The following COX7B variants were observed in gnomAD, a reference collection of about 807,000 sequenced individuals.
COX7B encodes cytochrome c oxidase subunit 7B, also known as cytochrome c oxidase subunit 7B, mitochondrial.
Under a neutral mutation model 7.9 loss-of-function variants are expected in COX7B, and 2 were observed. The ratio of observed to expected loss-of-function variants is 0.25; its 90% CI spans 0.10 to 0.79. COX7B has a LOEUF of 0.79. Among genes scored for constraint, COX7B ranks in the 30% least tolerant of loss-of-function variants. The probability of loss-of-function intolerance (pLI) is 0.69; values close to 1 mark genes in which losing one functional copy is unlikely to be tolerated. For synonymous variants in COX7B, 19 were observed against 21.1 expected (o/e 0.90, Z 0.27); for missense variants, 54 against 62.7 (o/e 0.86, Z 0.47).
intron 1 of COX7B, chrX:77,901,642 T>C (rs1205714227): frequency 8.9e-6 from 1 of 111,764 alleles, no homozygotes; most frequent in Non-Finnish European, 1.9e-5. Flanking sequence ...ACGATACTGA[T>C]TTTTATCTAC....
rs782016968 is a variant in COX7B at position 77,905,657 on chromosome X, ATT to A, written c.*409_*410del. On this transcript the variant is annotated 3_prime_UTR_variant, in exon 3 of 3. Coordinates refer to ENST00000650309, the MANE Select transcript of COX7B (RefSeq NM_001866.3). ...AGGCACATGCCATGACGCCCAGCTA[ATT>A]TTTTTTTTTTTTGAGACGGAGTCTC... is the stretch of plus-strand genomic sequence containing the variant. 1.8e-4 allele frequency: 18 copies of A among 101,764 alleles called. No homozygotes were observed. Among genetic ancestry groups the A allele is most frequent in the East Asian group, 3.1e-4 (1 of 3,261 alleles). The allele number at this position is 101,764 out of a possible 1,213,427, so 8.4% of individuals were successfully genotyped here. A position where few individuals can be genotyped will look rare whatever the true frequency, so the allele number is the denominator to read the frequency against.
intron 1 of COX7B, among the ~76,000 whole-genome samples, chrX:77,900,676 T>C (rs2077118225): frequency 8.9e-6 from 1 of 112,898 alleles, no homozygotes; most frequent in South Asian, 3.6e-4. Context: ...TAAGCAACTT[T>C]GAAAATAACC....
chrX:77,899,493 C>G lies in COX7B; in HGVS notation c.-61C>G. On this transcript the variant is annotated 5_prime_UTR_variant, in exon 1 of 3. Transcript: ENST00000650309. Reference sequence around the variant, plus strand: ...GTTTTTCAGCTCACTTCAAGGGTACCTGAAGCGAATTGGCACCAAAGCAGC... The same window carrying G: ...GTTTTTCAGCTCACTTCAAGGGTACGTGAAGCGAATTGGCACCAAAGCAGC... 1 of 1,171,158 alleles carries G rather than the reference C, an allele frequency of 8.5e-7. No individual in the cohort carries two copies. The highest frequency in any genetic ancestry group is 1.2e-6 in the Non-Finnish European group (1 of 859,552).
rs1481883844 is a variant in COX7B, at chrX:77,907,114, G to C, written c.*1853G>C. ...TTACATAGAGTGCTAGAAGTATGCT[G>C]TCATGGCATATGTCCTAGTTTCTCA... On this transcript the variant is annotated 3_prime_UTR_variant, in exon 3 of 3. Transcript: ENST00000650309. The C allele has an allele frequency of 9.0e-6, 1 of 111,269 alleles. No homozygotes were observed. The allele number at this position is 111,269 out of a possible 1,213,427, so 9.2% of individuals were successfully genotyped here.
rs1260086659 is a variant in COX7B at position 77,907,355 on chromosome X, G to T, written c.*2094G>T. 7 of 112,107 alleles carry T rather than the reference G, an allele frequency of 6.2e-5. No homozygotes were observed. Among genetic ancestry groups the T allele is most frequent in the Non-Finnish European group, 1.3e-4 (7 of 53,282 alleles). The allele number at this position is 112,107 out of a possible 1,213,427, so 9.2% of individuals were successfully genotyped here. A position where few individuals can be genotyped will look rare whatever the true frequency, so the allele number is the denominator to read the frequency against. On this transcript the variant is annotated 3_prime_UTR_variant, in exon 3 of 3. Coordinates refer to ENST00000650309, the MANE Select transcript of COX7B (RefSeq NM_001866.3). ...GTAAAATAAACATGTATTTAAGGAA[G>T]TGTCAACCTTCAATTATATACCTTT...
chrX:77,901,605 A>C (rs2077120216), intron 1 of COX7B: 2 of 111,838 alleles, frequency 1.8e-5, no homozygotes, highest in Non-Finnish European at 3.8e-5. Context: ...TCAAAAACTA[A>C]GTCCTTAGCT....
Position 77,905,318 on chromosome X carries a change from A to G in COX7B, c.*57A>G. 1 of 914,847 alleles carries G rather than the reference A, an allele frequency of 1.1e-6. No homozygotes were observed. The allele number at this position is 914,847 out of a possible 1,213,427, so 75.4% of individuals were successfully genotyped here. A position where few individuals can be genotyped will look rare whatever the true frequency, so the allele number is the denominator to read the frequency against. On this transcript the variant is annotated 3_prime_UTR_variant, in exon 3 of 3. Coordinates refer to ENST00000650309, the MANE Select transcript of COX7B (RefSeq NM_001866.3). ...AAAAAACAGCTCATAATTGATGCCA[A>G]ATTAAAGCACTGTGTACCCATTAAG...
rs943160254 is a variant in COX7B at position 77,905,842 on chromosome X, G to A, written c.*581G>A. 2.7e-5 allele frequency: 3 copies of A among 110,947 alleles called. No individual in the cohort carries two copies. Among genetic ancestry groups the A allele is most frequent in the African/African-American group, 9.8e-5 (3 of 30,457 alleles). 9.1% of individuals were successfully genotyped at this position (110,947 alleles called of 1,213,427 possible). A position where few individuals can be genotyped will look rare whatever the true frequency, so the allele number is the denominator to read the frequency against. ...TAATTTTTGTATTTTTAGTAGAGAC[G>A]GGGTTTCACCATGTTGGTCAGGCTG... On this transcript the variant is annotated 3_prime_UTR_variant, in exon 3 of 3. Transcript: ENST00000650309.
chrX:77,900,320 C>T (rs2077117189), intron 1 of COX7B, among the ~76,000 whole-genome samples: 1 of 112,076 alleles, frequency 8.9e-6, no homozygotes, highest in African/African-American at 3.2e-5. Flanking sequence ...TGAGCCAAGA[C>T]TGCTACTGCA....
At chrX:77,899,800 G>C (rs996471013) in intron 1 of COX7B, among the ~76,000 whole-genome samples, 5 of 110,795 alleles carry the variant, frequency 4.5e-5, no homozygotes, top group Non-Finnish European at 7.5e-5. Context: ...CTCTCTTTCT[G>C]TTATCGGAGT....
At chrX:77,900,064 T>G (rs781836819) in intron 1 of COX7B, among the ~76,000 whole-genome samples, 1 of 111,958 alleles carries the variant, frequency 8.9e-6, no homozygotes, top group Non-Finnish European at 1.9e-5. Context: ...TGAAGTTATT[T>G]GTGGATTAAC....
rs34296412 is a variant in COX7B at position 77,905,481 on chromosome X, GTTTTTTTTTTTTTTTT to G, written c.*232_*247del. ...AAATGCTGTGCAGCTTCTTAAATAG[GTTTTTTTTTTTTTTTT>G]TTTTTTTTTTTGGGACGAAGTCTCA... On this transcript the variant is annotated 3_prime_UTR_variant, in exon 3 of 3. Transcript: ENST00000650309. The G allele has an allele frequency of 1.5e-5, 1 of 66,674 alleles. No individual in the cohort carries two copies. The highest frequency in any genetic ancestry group is 2.5e-5 in the Non-Finnish European group (1 of 39,615). 5.5% of individuals were successfully genotyped at this position (66,674 alleles called of 1,213,427 possible). A position where few individuals can be genotyped will look rare whatever the true frequency, so the allele number is the denominator to read the frequency against.
chrX:77,899,974 G>A (rs782198013), intron 1 of COX7B, among the ~76,000 whole-genome samples: 7 of 111,975 alleles, frequency 6.3e-5, no homozygotes, highest in Non-Finnish European at 9.4e-5. Context: ...TCCTATTACT[G>A]TAATAGACGG....
intron 2 of COX7B, chrX:77,903,002 C>A: frequency 3.9e-6 from 1 of 258,788 alleles, no homozygotes; most frequent in Non-Finnish European, 6.8e-6. Flanking sequence ...CCCTTTCCAT[C>A]TTGTGTAGCT....
chrX:77,903,808 T>C (rs984989252), intron 2 of COX7B, among the ~76,000 whole-genome samples: 27 of 111,387 alleles, frequency 2.4e-4, no homozygotes, highest in African/African-American at 8.8e-4. Context: ...AGATGAGATG[T>C]AATGTATCTT....
At chrX:77,899,972 C>A (rs1184414649) in intron 1 of COX7B, among the ~76,000 whole-genome samples, 1 of 112,140 alleles carries the variant, frequency 8.9e-6, no homozygotes, top group Admixed American at 9.5e-5. Flanking sequence ...ATTCCTATTA[C>A]TGTAATAGAC....
chrX:77,902,167 G>GT (rs1368192804), intron 1 of COX7B, among the ~76,000 whole-genome samples: 1 of 111,956 alleles, frequency 8.9e-6, no homozygotes, highest in Admixed American at 9.6e-5. Context: ...CTTGTATGTT[G>GT]TAAGTTGTTG....
rs2077115512 is a variant in COX7B, at chrX:77,899,605, T to C, written c.40+12T>C. The C allele has an allele frequency of 4.1e-6, 5 of 1,207,104 alleles. No homozygotes were observed. The highest frequency in any genetic ancestry group is 5.6e-6 in the Non-Finnish European group (5 of 891,936). Reference sequence around the variant, plus strand: ...AAATCGTCTCCAAGGTGAGCAAAAATTATGACAAATCATTTACAACAACCT... The same window carrying C: ...AAATCGTCTCCAAGGTGAGCAAAAACTATGACAAATCATTTACAACAACCT... On this transcript the variant is annotated intron_variant, in intron 1 of 2. Transcript: ENST00000650309.
intron 1 of COX7B, among the ~76,000 whole-genome samples, chrX:77,901,415 A>G (rs1272217103): frequency 3.7e-5 from 4 of 108,009 alleles, no homozygotes; most frequent in Non-Finnish European, 7.7e-5. Context: ...GCTCTTTAAA[A>G]CGATAAGAAC....
Sources: allele counts gnomAD v4.1 joint callset (sites outside exome capture counted in the v4.1 genomes callset), GRCh38; gene constraint gnomAD v4.1.1; transcripts MANE v1.5; gene names NCBI Gene and HGNC (gene_info 2026-07-23, HGNC 2026-07-21).